The following RAB40B variants were observed in gnomAD, a reference collection of about 807,000 sequenced individuals.
The protein encoded by RAB40B is ras-related protein Rab-40B.
RAB40B carries 21 observed loss-of-function variants against 24.0 expected under a neutral mutation model. The ratio of observed to expected loss-of-function variants is 0.88; its 90% CI spans 0.62 to 1.26. RAB40B has a LOEUF of 1.26. Among genes scored for constraint, RAB40B ranks in the 50% most tolerant of loss-of-function variants. The pLI is 0.00. For missense variants in RAB40B, 348 were observed against 390.5 expected (o/e 0.89, Z 0.92); for synonymous variants, 167 against 169.8 (o/e 0.98, Z 0.13).
At chr17:82,688,389 T>C (rs951724576) in intron 1 of RAB40B, among the ~76,000 whole-genome samples, 1 of 150,812 alleles carries the variant, frequency 6.6e-6, no homozygotes, top group Non-Finnish European at 1.5e-5. Flanking sequence ...CCGAGGCGGG[T>C]AGATCACGAG....
rs71376523 is a variant in RAB40B at position 82,690,431 on chromosome 17, C to T, written c.142+8024G>A. ...GTTCTCAGGGAGCAGAGAGTGTGCA[C>T]GTGTGTCCAGGAGAAGATCTGCAGA... On this transcript the variant is annotated intron_variant, in intron 1 of 5. Coordinates refer to ENST00000571995, the MANE Select transcript of RAB40B (RefSeq NM_006822.3). 1.0e-3 allele frequency among the ~76,000 whole-genome samples: 120 copies of T among 118,656 alleles called. 1 individual carries two copies. The highest frequency in any genetic ancestry group is 4.6e-3 in the African/African-American group (113 of 24,490). 77.8% of individuals were successfully genotyped at this position (118,656 alleles called of 152,430 possible).
chr17:82,664,905 G>C (rs1192681795), intron 1 of RAB40B: 2 of 229,776 alleles, frequency 8.7e-6, no homozygotes, highest in African/African-American at 4.6e-5. Context: ...GTCTGGGCTG[G>C]TCCTTCCCTC....
At chr17:82,669,106 G>A (rs901204128) in intron 1 of RAB40B, among the ~76,000 whole-genome samples, 1 of 151,284 alleles carries the variant, frequency 6.6e-6, no homozygotes, top group African/African-American at 2.4e-5. Context: ...GGGAGGTTAA[G>A]GTGAGAGGAT....
In RAB40B at chr17:82,667,481, A is replaced by C. The variant is rs1166265125; in HGVS notation, c.143-2925T>G. ...GAGATCCCGAGCACCCCTCCCTCCCACAGCTGCTGTGTCCAGCCTGTCCCC... is the reference window on the plus strand; with the variant it reads ...GAGATCCCGAGCACCCCTCCCTCCCCCAGCTGCTGTGTCCAGCCTGTCCCC... On this transcript the variant is annotated intron_variant, in intron 1 of 5. Coordinates refer to ENST00000571995, the MANE Select transcript of RAB40B (RefSeq NM_006822.3). The surrounding 1 kb of genome is among the most constrained non-coding windows in gnomAD (Gnocchi z 4.3). Among the ~76,000 whole-genome samples, 2 of 151,894 alleles carry C rather than the reference A, an allele frequency of 1.3e-5. No individual in the cohort carries two copies. The highest frequency in any genetic ancestry group is 2.9e-5 in the Non-Finnish European group (2 of 67,968).
chr17:82,658,409 GCAGA>G (rs2046114221), intron 5 of RAB40B, 78 bp downstream of exon 5: 2 of 1,472,684 alleles, frequency 1.4e-6, no homozygotes, highest in Non-Finnish European at 1.9e-6. Context: ...GTCCCGGGAG[GCAGA>G]CACTTATCCA....
chr17:82,669,016 G>C, intron 1 of RAB40B, among the ~76,000 whole-genome samples: 1 of 152,266 alleles, frequency 6.6e-6, no homozygotes, highest in Non-Finnish European at 1.5e-5. Flanking sequence ...AGGTGACCAA[G>C]TGAGTATCAA....
intron 1 of RAB40B, among the ~76,000 whole-genome samples, chr17:82,673,144 C>T (rs867168596): frequency 2.0e-4 from 31 of 152,198 alleles, no homozygotes; most frequent in Middle Eastern, 6.8e-3. Context: ...GCGGAGGTTG[C>T]AGTGAGCTGA....
At chr17:82,673,003 A>C (rs1414277471) in intron 1 of RAB40B, among the ~76,000 whole-genome samples, 3 of 152,190 alleles carry the variant, frequency 2.0e-5, no homozygotes, top group Non-Finnish European at 4.4e-5. Flanking sequence ...CAGGAGTTTG[A>C]GAGCAGCCTG....
In RAB40B at chr17:82,655,194, C is replaced by T. The variant is rs527550092; in HGVS notation, c.*2669G>A. Reference sequence around the variant, plus strand: ...CTTAAATAACAAATATTTATTTTCTCGTAGCTCTGGAAGCCGGAAGTCCAA... The same window carrying T: ...CTTAAATAACAAATATTTATTTTCTTGTAGCTCTGGAAGCCGGAAGTCCAA... On this transcript the variant is annotated 3_prime_UTR_variant, in exon 6 of 6. Transcript: ENST00000571995. 16 of 152,164 alleles carry T rather than the reference C, an allele frequency of 1.1e-4. No homozygotes were observed. The highest frequency in any genetic ancestry group is 3.6e-4 in the African/African-American group (15 of 41,518). 9.4% of individuals were successfully genotyped at this position (152,164 alleles called of 1,614,324 possible). A position where few individuals can be genotyped will look rare whatever the true frequency, so the allele number is the denominator to read the frequency against.
At position 82,656,770 on chromosome 17, in the gene RAB40B, T is replaced by G. The variant is rs1295579142; in HGVS notation, c.*1093A>C. ...GGCTCACGCCTGTAATCCCAGCACT[T>G]TGGGAGGCCAAGGTGGGTGGATCAC... On this transcript the variant is annotated 3_prime_UTR_variant, in exon 6 of 6. Coordinates refer to ENST00000571995, the MANE Select transcript of RAB40B (RefSeq NM_006822.3). 1 of 152,278 alleles carries G rather than the reference T, an allele frequency of 6.6e-6. No individual in the cohort carries two copies. Among genetic ancestry groups the G allele is most frequent in the Non-Finnish European group, 1.5e-5 (1 of 68,120 alleles). The allele number at this position is 152,278 out of a possible 1,614,324, so 9.4% of individuals were successfully genotyped here. A position where few individuals can be genotyped will look rare whatever the true frequency, so the allele number is the denominator to read the frequency against.
chr17:82,690,345 T>G (rs1386276926), intron 1 of RAB40B, among the ~76,000 whole-genome samples: 4 of 130,690 alleles, frequency 3.1e-5, no homozygotes, highest in African/African-American at 8.9e-5. Context: ...GAGCAGAGAG[T>G]GTGTACGTGT....
At chr17:82,658,927 C>T in intron 4 of RAB40B, 1 of 551,850 alleles carries the variant, frequency 1.8e-6, no homozygotes, top group South Asian at 2.5e-5. Flanking sequence ...GACTGGTGTC[C>T]TTGGGAGAAG....
Position 82,679,234 on chromosome 17 carries a change from GT to G in RAB40B, c.143-14679del, listed in dbSNP as rs779250836. On this transcript the variant is annotated intron_variant, in intron 1 of 5. Coordinates refer to ENST00000571995, the MANE Select transcript of RAB40B (RefSeq NM_006822.3). The stretch of plus-strand genomic sequence containing the variant: ...CGCCCACCAGCAACCACCTTCTCCG[GT>G]AGCCTGAAGGACACCACAAGCCTTA... 1.1e-3 allele frequency among the ~76,000 whole-genome samples: 172 copies of G among 151,446 alleles called. 1 individual carries two copies. Among genetic ancestry groups the G allele is most frequent in the Non-Finnish European group, 2.0e-3 (136 of 67,846 alleles).
chr17:82,697,842 G>A lies in RAB40B; in HGVS notation c.142+613C>T, dbSNP rs2046626811. On this transcript the variant is annotated intron_variant, in intron 1 of 5. Transcript: ENST00000571995. This position sits in a 1 kb window ranked among gnomAD's most constrained non-coding sequence, Gnocchi z 4.9. ...ACCCGCTCTCCGGCCGCTGTCGTGG[G>A]GGGTCCCCTCTTCCGCACGCGAGTC... is the stretch of plus-strand genomic sequence containing the variant. Among the ~76,000 whole-genome samples the A allele has an allele frequency of 6.6e-6, 1 of 152,194 alleles. No homozygotes were observed. Among genetic ancestry groups the A allele is most frequent in the South Asian group, 2.1e-4 (1 of 4,834 alleles).
At chr17:82,689,045 T>C (rs2046530090) in intron 1 of RAB40B, among the ~76,000 whole-genome samples, 1 of 152,258 alleles carries the variant, frequency 6.6e-6, no homozygotes, top group Non-Finnish European at 1.5e-5. Context: ...ATAGAGCTAA[T>C]TAAGCTGAAG....
At chr17:82,668,828 C>T (rs1004184859) in intron 1 of RAB40B, among the ~76,000 whole-genome samples, 1 of 152,240 alleles carries the variant, frequency 6.6e-6, no homozygotes, top group Non-Finnish European at 1.5e-5. Context: ...CTGCCTGATC[C>T]GTGGATCGAG....
Position 82,676,730 on chromosome 17 carries a change from C to A in RAB40B, c.143-12174G>T, listed in dbSNP as rs559400983. Among the ~76,000 whole-genome samples the A allele has an allele frequency of 1.5e-4, 23 of 152,142 alleles. 4 individuals are homozygous for A. In the South Asian group the frequency reaches 4.6e-3, roughly 30 times the overall value. On this transcript the variant is annotated intron_variant, in intron 1 of 5. Transcript: ENST00000571995. ...GCAACCTCCGCCTCCTGGATTCAAG[C>A]GATTCTCCTGCCTCAGCCTCTCCAG...
intron 1 of RAB40B, among the ~76,000 whole-genome samples, chr17:82,695,341 G>A (rs1044674131): frequency 1.3e-4 from 20 of 151,098 alleles, no homozygotes; most frequent in Admixed American, 4.6e-4. Context: ...ACAGGCACGC[G>A]GCACCACGCC....
intron 1 of RAB40B, among the ~76,000 whole-genome samples, chr17:82,677,074 G>A (rs1413066427): frequency 2.0e-5 from 3 of 151,694 alleles, no homozygotes; most frequent in Middle Eastern, 6.9e-3. Flanking sequence ...TCAGCCTCCC[G>A]AGTAGCTGGG....
Sources: allele counts gnomAD v4.1 joint callset (sites outside exome capture counted in the v4.1 genomes callset), GRCh38; gene constraint gnomAD v4.1.1; non-coding constraint Gnocchi (gnomAD v3.1); transcripts MANE v1.5; gene names NCBI Gene and HGNC (gene_info 2026-07-23, HGNC 2026-07-21).